RPTOR: variants seen among roughly 807,000 people sequenced by gnomAD.
The protein encoded by RPTOR is regulatory-associated protein of mTOR.
Under a neutral mutation model 169.9 loss-of-function variants are expected in RPTOR, and 21 were observed. The ratio of observed to expected loss-of-function variants is 0.12; its 90% CI spans 0.09 to 0.18. The LOEUF is 0.18. RPTOR is among the 10% of genes least tolerant of loss of function. RPTOR has a pLI of 1.00. For missense variants in RPTOR, 1,133 were observed against 1,855.9 expected (o/e 0.61, Z 7.16); for synonymous variants, 732 against 753.2 (o/e 0.97, Z 0.46).
At chr17:80,900,959 A>C (rs7208835) in intron 20 of RPTOR, among the ~76,000 whole-genome samples, 2 of 152,116 alleles carry the variant, frequency 1.3e-5, no homozygotes, top group African/African-American at 4.8e-5. Flanking sequence ...TGGATACCAC[A>C]TGGGCATCTC....
chr17:80,552,278 T>C (rs534544635), intron 1 of RPTOR, among the ~76,000 whole-genome samples: 10 of 152,346 alleles, frequency 6.6e-5, no homozygotes, highest in African/African-American at 2.4e-4. Flanking sequence ...TCACAAAGCC[T>C]TCATGATTTG....
chr17:80,950,188 C>T (rs1220582352), intron 28 of RPTOR, among the ~76,000 whole-genome samples: 1 of 152,232 alleles, frequency 6.6e-6, no homozygotes. Flanking sequence ...ACCAGGCATT[C>T]GCCTCTAGGA....
chr17:80,704,505 T>G (rs2066127843), intron 3 of RPTOR, among the ~76,000 whole-genome samples: 1 of 152,236 alleles, frequency 6.6e-6, no homozygotes. Context: ...GAAAGGATGA[T>G]GTCACAGACG....
chr17:80,822,604 A>G (rs2067392080), intron 8 of RPTOR, among the ~76,000 whole-genome samples: 2 of 152,122 alleles, frequency 1.3e-5, no homozygotes, highest in African/African-American at 4.8e-5. Context: ...CATTATTCAC[A>G]CTGGCTGGAA....
intron 6 of RPTOR, among the ~76,000 whole-genome samples, chr17:80,756,479 T>C (rs2066681853): frequency 6.6e-6 from 1 of 152,134 alleles, no homozygotes; most frequent in Admixed American, 6.6e-5. Context: ...TCAAAATAGC[T>C]TGGAGAGAAG....
chr17:80,690,664 C>T (rs866909796), intron 3 of RPTOR, among the ~76,000 whole-genome samples: 1 of 152,054 alleles, frequency 6.6e-6, no homozygotes, highest in African/African-American at 2.4e-5. Flanking sequence ...CTGGTTCAGT[C>T]AGGGAATGTT....
intron 1 of RPTOR, among the ~76,000 whole-genome samples, chr17:80,563,585 T>TATAATA (rs2084530743): frequency 7.3e-6 from 1 of 137,034 alleles, no homozygotes; most frequent in African/African-American, 2.7e-5. Flanking sequence ...AAAAAAAAGA[T>TATAATA]AATAAATAAA....
At chr17:80,843,053 T>TC (rs1166468674) in intron 10 of RPTOR, among the ~76,000 whole-genome samples, 2 of 152,222 alleles carry the variant, frequency 1.3e-5, no homozygotes, top group Non-Finnish European at 2.9e-5. Flanking sequence ...TTCGTTTTTT[T>TC]CCCCGAGTTT....
At chr17:80,941,716 T>C (rs1400782396) in intron 25 of RPTOR, 2 of 152,308 alleles carry the variant, frequency 1.3e-5, no homozygotes, top group Non-Finnish European at 2.9e-5. Flanking sequence ...CTTTCTGAAG[T>C]TGAGGTTGAT....
intron 3 of RPTOR, among the ~76,000 whole-genome samples, chr17:80,697,202 A>G (rs994841056): frequency 6.6e-6 from 1 of 152,212 alleles, no homozygotes; most frequent in African/African-American, 2.4e-5. Context: ...AAGGTGGGAA[A>G]ATCCCTCCAG....
At chr17:80,817,823 G>A (rs762921373) in intron 7 of RPTOR, among the ~76,000 whole-genome samples, 6 of 152,176 alleles carry the variant, frequency 3.9e-5, no homozygotes, top group Non-Finnish European at 5.9e-5. Context: ...GGGCCTTAGG[G>A]GAAGGGCACC....
At chr17:80,904,171 C>CGTG (rs1239335892) in intron 20 of RPTOR, among the ~76,000 whole-genome samples, 1 of 152,188 alleles carries the variant, frequency 6.6e-6, no homozygotes, top group Non-Finnish European at 1.5e-5. Context: ...GGCTGGTCAG[C>CGTG]GTGATTCTCG....
In RPTOR at chr17:80,880,694, G is replaced by C. The variant is rs533716242; in HGVS notation, c.1584+205G>C. Among the ~76,000 whole-genome samples, 9 of 152,358 alleles carry C rather than the reference G, an allele frequency of 5.9e-5. No individual in the cohort carries two copies. In the East Asian group the frequency reaches 1.7e-3, roughly 29 times the overall value. On this transcript the variant is annotated intron_variant, in intron 14 of 33. Coordinates refer to ENST00000306801, the MANE Select transcript of RPTOR (RefSeq NM_020761.3). ...ACCATGAGCGCAGCTGTTATTTCGT[G>C]TCTGTCTCTAAACAAGAGCTCAGTT...
At chr17:80,546,207 T>C (rs1599536600) in intron 1 of RPTOR, among the ~76,000 whole-genome samples, 1 of 151,880 alleles carries the variant, frequency 6.6e-6, no homozygotes, top group African/African-American at 2.4e-5. Flanking sequence ...AGAAGTCTGA[T>C]ATACTATGCT....
At chr17:80,704,877 A>G (rs895455611) in intron 3 of RPTOR, among the ~76,000 whole-genome samples, 2 of 152,270 alleles carry the variant, frequency 1.3e-5, no homozygotes, top group Middle Eastern at 3.2e-3. Flanking sequence ...AATTCAGAGA[A>G]AGAAAAAATT....
intron 3 of RPTOR, among the ~76,000 whole-genome samples, chr17:80,648,844 T>C (rs1435156608): frequency 6.6e-6 from 1 of 152,132 alleles, no homozygotes; most frequent in Non-Finnish European, 1.5e-5. Flanking sequence ...AATCGAATCA[T>C]AGGGGCGGGT....
At chr17:80,952,050 G>A (rs1007682427) in intron 28 of RPTOR, among the ~76,000 whole-genome samples, 1 of 152,260 alleles carries the variant, frequency 6.6e-6, no homozygotes, top group Non-Finnish European at 1.5e-5. Flanking sequence ...TGTCAAGGGA[G>A]GGCCCGAGTT....
rs868533044 is a variant in RPTOR at position 80,744,011 on chromosome 17, T to G, written c.655-9999T>G. On this transcript the variant is annotated intron_variant, in intron 5 of 33. Coordinates refer to ENST00000306801, the MANE Select transcript of RPTOR (RefSeq NM_020761.3). ...TGGTTATGAGCACAGCCCTGGTTAC[T>G]AGCACAGCCCTGGTTACTAGCACAG... Among the ~76,000 whole-genome samples, 5 of 72,784 alleles carry G rather than the reference T, an allele frequency of 6.9e-5. 1 individual carries two copies. The highest frequency in any genetic ancestry group is 4.1e-4 in the African/African-American group (5 of 12,186). The allele number at this position is 72,784 out of a possible 152,430, so 47.7% of individuals were successfully genotyped here.
At position 80,889,377 on chromosome 17, in the gene RPTOR, G is replaced by A. The variant is rs147112594; in HGVS notation, c.1984-2343G>A. Among the ~76,000 whole-genome samples the A allele has an allele frequency of 1.6e-4, 25 of 152,302 alleles. No homozygotes were observed. The East Asian group carries it at 3.9e-3, about 24-fold the overall frequency. ...GTCCAGGCAAAGCTGCCTCCCTTTC[G>A]AGGAAGGCTGCTCAGCCCCAGCCAG... On this transcript the variant is annotated intron_variant, in intron 17 of 33. Coordinates refer to ENST00000306801, the MANE Select transcript of RPTOR (RefSeq NM_020761.3).
Sources: allele counts gnomAD v4.1 joint callset (sites outside exome capture counted in the v4.1 genomes callset), GRCh38; gene constraint gnomAD v4.1.1; transcripts MANE v1.5; gene names NCBI Gene and HGNC (gene_info 2026-07-23, HGNC 2026-07-21).